The following HMGXB3 variants were observed in gnomAD, a reference collection of about 807,000 sequenced individuals.
The protein encoded by HMGXB3 is HMG-box containing 3.
In HMGXB3, 45 loss-of-function variants were observed where a neutral mutation model predicts 121.5. The ratio of observed to expected loss-of-function variants is 0.37; its 90% CI spans 0.29 to 0.47. HMGXB3 has a LOEUF of 0.47. HMGXB3 is among the 20% of genes least tolerant of loss of function. The pLI is 0.99. For synonymous variants in HMGXB3, 590 were observed against 624.1 expected (o/e 0.95, Z 0.81); for missense variants, 1,376 against 1,602.2 (o/e 0.86, Z 2.41).
chr5:150,036,272 A>G (rs1486541253), intron 11 of HMGXB3, among the ~76,000 whole-genome samples: 1 of 152,114 alleles, frequency 6.6e-6, no homozygotes, highest in Non-Finnish European at 1.5e-5. Flanking sequence ...AGTGTTTTGG[A>G]TTATTTCATA....
At chr5:150,037,585 CT>C in intron 13 of HMGXB3, 58 bp downstream of exon 13, 1 of 1,411,648 alleles carries the variant, frequency 7.1e-7, no homozygotes, top group South Asian at 1.6e-5. Flanking sequence ...GGAACTGCCT[CT>C]ATGGATGAGA....
At chr5:150,026,502 T>C (rs1035898858) in intron 7 of HMGXB3, among the ~76,000 whole-genome samples, 2 of 152,218 alleles carry the variant, frequency 1.3e-5, no homozygotes, top group East Asian at 3.8e-4. Context: ...ATTTTACATA[T>C]TAGAAACTTG....
intron 3 of HMGXB3, among the ~76,000 whole-genome samples, chr5:150,008,396 G>A (rs1249667088): frequency 6.6e-6 from 1 of 152,104 alleles, no homozygotes; most frequent in Non-Finnish European, 1.5e-5. Context: ...AATAGGTAAT[G>A]TAAATCACCT....
At position 150,018,673 on chromosome 5, in the gene HMGXB3, C is replaced by T; in HGVS notation, c.1017C>T (p.Phe339=). ...KPPKCPTCGN[F]LGGKWIPKEK... is the part of the protein sequence containing the mutation. ...CTAAGTGCCCTACCTGTGGTAACTTCCTAGGAGGGAAGTGGATCCCAAAGG... is the reference window on the plus strand; with the variant it reads ...CTAAGTGCCCTACCTGTGGTAACTTTCTAGGAGGGAAGTGGATCCCAAAGG... The change falls in exon 6 of 20, where the codon TTC becomes TTT. Residue 339 remains phenylalanine (F), a synonymous_variant. Coordinates refer to ENST00000502717, the MANE Select transcript of HMGXB3 (RefSeq NM_014983.3). 1 of 1,550,378 alleles carries T rather than the reference C, an allele frequency of 6.5e-7. No individual in the cohort carries two copies. The highest frequency in any genetic ancestry group is 8.7e-7 in the Non-Finnish European group (1 of 1,146,384).
intron 5 of HMGXB3, among the ~76,000 whole-genome samples, chr5:150,014,147 G>A (rs1393790746): frequency 2.0e-5 from 3 of 152,212 alleles, no homozygotes; most frequent in Admixed American, 6.5e-5. Context: ...TCGCAAGGGC[G>A]GTGGCTGCTC....
rs1396755035 is a variant in HMGXB3, at chr5:150,041,773, CTCT to C, written c.2546-7_2546-5del. 2.1e-5 allele frequency: 33 copies of C among 1,548,886 alleles called. No homozygotes were observed. Among genetic ancestry groups the C allele is most frequent in the Admixed American group, 5.9e-5 (3 of 50,954 alleles). ...TTCTGTGCCCTTCTCAGTGTTCTTGCTCTTCTTTCAGAGAAGACTCTGACCTCG... is the reference window on the plus strand; with the variant it reads ...TTCTGTGCCCTTCTCAGTGTTCTTGCTCTTTCAGAGAAGACTCTGACCTCG... On this transcript the variant is annotated splice_polypyrimidine_tract_variant and intron_variant, in intron 14 of 19. Coordinates refer to ENST00000502717, the MANE Select transcript of HMGXB3 (RefSeq NM_014983.3).
intron 7 of HMGXB3, among the ~76,000 whole-genome samples, chr5:150,025,276 A>G (rs1163821509): frequency 6.6e-6 from 1 of 152,126 alleles, no homozygotes; most frequent in African/African-American, 2.4e-5. Context: ...TCCTCCTTAA[A>G]TGCTTAATTG....
chr5:150,005,610 AAAAAG>A lies in HMGXB3; in HGVS notation c.137+631_137+635del, dbSNP rs1387347838. Among the ~76,000 whole-genome samples, 90 of 151,910 alleles carry A rather than the reference AAAAAG, an allele frequency of 5.9e-4. 3 individuals are homozygous for A. Among genetic ancestry groups the A allele is most frequent in the Non-Finnish European group, 8.8e-5 (6 of 67,952 alleles). Reference sequence around the variant, plus strand: ...ACGAAACTCCTCTCAAAAAAAAAAAAAAAAGAAAAGAAAAAGAAAAAAAACACACA... The same window carrying A: ...ACGAAACTCCTCTCAAAAAAAAAAAAAAAAGAAAAAGAAAAAAAACACACA... On this transcript the variant is annotated intron_variant, in intron 2 of 19. Transcript: ENST00000502717.
intron 11 of HMGXB3, among the ~76,000 whole-genome samples, chr5:150,036,044 GAAATTGAGACTCAGAAAGATTAAGT>G (rs1756494565): frequency 1.3e-5 from 2 of 152,172 alleles, no homozygotes; most frequent in Non-Finnish European, 2.9e-5. Flanking sequence ...CACAGATGAG[GAAATTGAGACTCAGAAAGATTAAGT>G]AAATTGCCTT....
intron 13 of HMGXB3, among the ~76,000 whole-genome samples, chr5:150,037,735 CAG>C (rs1756533169): frequency 6.6e-6 from 1 of 152,284 alleles, no homozygotes; most frequent in Admixed American, 6.5e-5. Flanking sequence ...TTTAAAATAA[CAG>C]ATCTTCATTG....
At chr5:150,026,442 A>G (rs1457298055) in intron 7 of HMGXB3, among the ~76,000 whole-genome samples, 5 of 152,236 alleles carry the variant, frequency 3.3e-5, no homozygotes, top group Admixed American at 3.3e-4. Flanking sequence ...ATCGTTTTAC[A>G]CTTCTGTGTC....
intron 1 of HMGXB3, among the ~76,000 whole-genome samples, chr5:150,002,582 T>C (rs1468613953): frequency 2.6e-5 from 4 of 152,236 alleles, no homozygotes; most frequent in African/African-American, 7.2e-5. Context: ...TTATTTCCTC[T>C]TGTAAAATTC....
chr5:150,039,940 TTGAC>T (rs1756588644), intron 13 of HMGXB3, among the ~76,000 whole-genome samples: 1 of 152,234 alleles, frequency 6.6e-6, no homozygotes, highest in Non-Finnish European at 1.5e-5. Context: ...TTGTCTTAAA[TTGAC>T]TGCGCTTAAA....
At chr5:150,023,285 A>G (rs549281191) in intron 6 of HMGXB3, among the ~76,000 whole-genome samples, 3 of 152,312 alleles carry the variant, frequency 2.0e-5, no homozygotes, top group South Asian at 2.1e-4. Context: ...CCTACACACT[A>G]TAGAATTAGG....
intron 4 of HMGXB3, among the ~76,000 whole-genome samples, chr5:150,011,980 C>T (rs1246718561): frequency 6.6e-6 from 1 of 152,234 alleles, no homozygotes; most frequent in Non-Finnish European, 1.5e-5. Flanking sequence ...ATTGGATTCT[C>T]TCACTAACTG....
At chr5:150,015,696 A>C (rs189738290) in intron 5 of HMGXB3, among the ~76,000 whole-genome samples, 1 of 152,296 alleles carries the variant, frequency 6.6e-6, no homozygotes, top group East Asian at 1.9e-4. Context: ...TTTTCATTCA[A>C]TTCAAATACT....
intron 3 of HMGXB3, among the ~76,000 whole-genome samples, chr5:150,008,763 G>T (rs957346143): frequency 1.3e-5 from 2 of 152,230 alleles, no homozygotes; most frequent in Non-Finnish European, 2.9e-5. Flanking sequence ...TCCAGGCCAT[G>T]CTGTGTGTAT....
chr5:150,030,919 G>A (rs1756357942), intron 10 of HMGXB3, 80 bp downstream of exon 10: 1 of 999,310 alleles, frequency 1.0e-6, no homozygotes, highest in Non-Finnish European at 1.5e-6. Context: ...GGAGGCTGGG[G>A]GAGAGGGTGG....
chr5:150,028,451 T>G (rs1250248980), intron 9 of HMGXB3, among the ~76,000 whole-genome samples: 12 of 145,274 alleles, frequency 8.3e-5, no homozygotes, highest in African/African-American at 2.8e-4. Flanking sequence ...TGTGTGTGTA[T>G]ATATATATGT....
Sources: gnomAD v4.1 joint callset for allele counts (sites outside exome capture counted in the v4.1 genomes callset) on GRCh38, gnomAD v4.1.1 for gene constraint, MANE v1.5 for transcripts, NCBI Gene and HGNC (gene_info 2026-07-23, HGNC 2026-07-21) for gene names.